The following KCNIP2 variants were observed in gnomAD, a reference collection of about 807,000 sequenced individuals.
KCNIP2 encodes the protein A-type potassium channel modulatory protein KCNIP2.
Under a neutral mutation model 39.0 loss-of-function variants are expected in KCNIP2, and 19 were observed. The ratio of observed to expected loss-of-function variants is 0.49; its 90% CI spans 0.34 to 0.71. The LOEUF (loss-of-function observed/expected upper bound fraction) is 0.71. KCNIP2 is among the 30% of genes least tolerant of loss of function. KCNIP2 has a pLI of 0.01. For missense variants in KCNIP2, 261 were observed against 346.0 expected (o/e 0.75, Z 1.95); for synonymous variants, 111 against 131.2 (o/e 0.85, Z 1.05).
chr10:101,830,815 T>G (rs1249364446), intron 2 of KCNIP2, among the ~76,000 whole-genome samples: 1 of 127,272 alleles, frequency 7.9e-6, no homozygotes, highest in Non-Finnish European at 1.6e-5. Flanking sequence ...TCCACACACA[T>G]GCAGGGGTAG....
At chr10:101,841,031 C>A (rs1381313539) in intron 1 of KCNIP2, among the ~76,000 whole-genome samples, 1 of 152,256 alleles carries the variant, frequency 6.6e-6, no homozygotes, top group Non-Finnish European at 1.5e-5. Context: ...CCGCACTGCC[C>A]AGCGGCCCCG....
intron 2 of KCNIP2, 97 bp from the exon 3 acceptor site, chr10:101,829,994 C>T (rs952525843): frequency 1.4e-6 from 2 of 1,433,164 alleles, no homozygotes. Context: ...CACAACCCAG[C>T]CCGTGCAAAG....
intron 1 of KCNIP2, among the ~76,000 whole-genome samples, chr10:101,841,497 C>T (rs1043070990): frequency 1.3e-5 from 2 of 152,198 alleles, no homozygotes; most frequent in Admixed American, 1.3e-4. Context: ...TCCTGGTAGT[C>T]CTATTTCTAC....
Position 101,827,670 on chromosome 10 carries a change from A to G in KCNIP2, c.765+19T>C, listed in dbSNP as rs771658331. ...GCCTGAGTCCAGGTCAGGGTAATGT[A>G]GAGGGCAGGGAGCTGTACCTTTTGA... On this transcript the variant is annotated intron_variant, in intron 9 of 9. Transcript: ENST00000356640. 6.2e-7 allele frequency: 1 copy of G among 1,613,712 alleles called. No homozygotes were observed. Among genetic ancestry groups the G allele is most frequent in the South Asian group, 1.1e-5 (1 of 91,078 alleles).
chr10:101,832,296 CTGTGTGTGTGTGTGTGTGTGTGTGTG>C (rs57005983), intron 1 of KCNIP2, among the ~76,000 whole-genome samples: 1 of 139,976 alleles, frequency 7.1e-6, no homozygotes, highest in Non-Finnish European at 1.5e-5. Flanking sequence ...CTCAGTGTTA[CTGTGTGTGTGTGTGTGTGTGTGTGTG>C]TGTGTGTGTG....
In KCNIP2 at chr10:101,843,593, C is replaced by T. The variant is rs2066397931; in HGVS notation, c.-25G>A. On this transcript the variant is annotated 5_prime_UTR_variant, in exon 1 of 10. Transcript: ENST00000356640. This position sits in a 1 kb window ranked among gnomAD's most constrained non-coding sequence, Gnocchi z 6.7. ...TGGCCCCCGGCGCCCCGCTCCCGCC[C>T]GGGCCGTGGGAGGGGGCGCCGGGTG... 7 of 1,434,652 alleles carry T rather than the reference C, an allele frequency of 4.9e-6. No individual in the cohort carries two copies. Among genetic ancestry groups the T allele is most frequent in the African/African-American group, 1.5e-5 (1 of 66,000 alleles). The allele number at this position is 1,434,652 out of a possible 1,614,324, so 88.9% of individuals were successfully genotyped here.
intron 1 of KCNIP2, among the ~76,000 whole-genome samples, chr10:101,834,577 C>T (rs1281752991): frequency 1.3e-5 from 2 of 152,226 alleles, no homozygotes; most frequent in East Asian, 1.9e-4. Context: ...TCTTCCTCTT[C>T]GCAGGGCCAC....
intron 1 of KCNIP2, among the ~76,000 whole-genome samples, chr10:101,842,899 C>T (rs917241389): frequency 4.6e-5 from 7 of 152,174 alleles, no homozygotes; most frequent in African/African-American, 1.7e-4. Context: ...AAATTCTTGC[C>T]CAGAGGGCTT....
At chr10:101,837,009 G>GT (rs1347586614) in intron 1 of KCNIP2, among the ~76,000 whole-genome samples, 1 of 151,784 alleles carries the variant, frequency 6.6e-6, no homozygotes, top group African/African-American at 2.4e-5. Flanking sequence ...CACACCTATA[G>GT]TCCCAGCTAC....
intron 1 of KCNIP2, among the ~76,000 whole-genome samples, chr10:101,837,879 G>GC (rs2066212739): frequency 6.6e-6 from 1 of 152,128 alleles, no homozygotes; most frequent in Non-Finnish European, 1.5e-5. Context: ...ATGGAAAGGG[G>GC]CCCCACAACA....
chr10:101,836,064 G>C (rs764762171), intron 1 of KCNIP2, among the ~76,000 whole-genome samples: 3 of 152,142 alleles, frequency 2.0e-5, no homozygotes, highest in Non-Finnish European at 4.4e-5. Flanking sequence ...CTCTTGTCCA[G>C]CTCTGGGATG....
At chr10:101,839,240 T>C (rs1342867418) in intron 1 of KCNIP2, among the ~76,000 whole-genome samples, 1 of 152,058 alleles carries the variant, frequency 6.6e-6, no homozygotes, top group African/African-American at 2.4e-5. Context: ...AGACATACAA[T>C]CCTTAAGCCA....
rs540862142 is a variant in KCNIP2 at position 101,841,111 on chromosome 10, T to C, written c.73+2385A>G. Among the ~76,000 whole-genome samples, 4 of 152,340 alleles carry C rather than the reference T, an allele frequency of 2.6e-5. No individual in the cohort carries two copies. In the East Asian group the frequency reaches 5.8e-4, roughly 22 times the overall value. On this transcript the variant is annotated intron_variant, in intron 1 of 9. Coordinates refer to ENST00000356640, the MANE Select transcript of KCNIP2 (RefSeq NM_173191.3). ...GCTCGGACTGTTTTTTGTTTTGTTT[T>C]GTTTTCCTAAAGAGTCTCTCCCAGC...
chr10:101,833,533 G>T (rs938576453), intron 1 of KCNIP2, among the ~76,000 whole-genome samples: 1 of 152,012 alleles, frequency 6.6e-6, no homozygotes, highest in Non-Finnish European at 1.5e-5. Flanking sequence ...CCAAGCCTTG[G>T]GTATGGAGCT....
At position 101,829,825 on chromosome 10, in the gene KCNIP2, C is replaced by T; in HGVS notation, c.223+19G>A. On this transcript the variant is annotated intron_variant, in intron 3 of 9. Transcript: ENST00000356640. ...AAGCCGCCCTGCCCCGCCCCGCCCC[C>T]ACCAGGAGCGTAAGTCACCTGGGTC... The T allele has an allele frequency of 1.4e-6, 2 of 1,439,912 alleles. No homozygotes were observed. Among genetic ancestry groups the T allele is most frequent in the South Asian group, 1.4e-5 (1 of 69,984 alleles). 89.2% of individuals were successfully genotyped at this position (1,439,912 alleles called of 1,614,324 possible). A position where few individuals can be genotyped will look rare whatever the true frequency, so the allele number is the denominator to read the frequency against.
chr10:101,839,624 T>C, intron 1 of KCNIP2: 3 of 855,864 alleles, frequency 3.5e-6, no homozygotes, highest in East Asian at 5.2e-5. Flanking sequence ...TTGGAAGCCC[T>C]TTCCTTGGAG....
chr10:101,839,806 A>T, intron 1 of KCNIP2: 1 of 1,610,628 alleles, frequency 6.2e-7, no homozygotes, highest in Non-Finnish European at 8.5e-7. Flanking sequence ...TGCCTGCCCC[A>T]GCGGGCTCCG....
chr10:101,827,532 C>T (rs2065782221), intron 9 of KCNIP2, 132 bp from the exon 10 acceptor site: 3 of 1,288,066 alleles, frequency 2.3e-6, no homozygotes, highest in South Asian at 1.2e-5. Context: ...CCCAGAGAGA[C>T]CTGAGGTAGG....
At position 101,829,508 on chromosome 10, in the gene KCNIP2, G is replaced by T. The variant is rs534064530; in HGVS notation, c.224-309C>A. The stretch of plus-strand genomic sequence containing the variant: ...CCAGCCGCATCTTCGTTTTAGAAAG[G>T]GAGGAGTGGGAAAAGCCAGTTCAAG... On this transcript the variant is annotated intron_variant, in intron 3 of 9. Coordinates refer to ENST00000356640, the MANE Select transcript of KCNIP2 (RefSeq NM_173191.3). The T allele has an allele frequency of 8.5e-6, 4 of 473,184 alleles. No individual in the cohort carries two copies. The East Asian group carries it at 1.5e-4, about 18-fold the overall frequency. The allele number at this position is 473,184 out of a possible 1,614,324, so 29.3% of individuals were successfully genotyped here. A position where few individuals can be genotyped will look rare whatever the true frequency, so the allele number is the denominator to read the frequency against.
Sources: gnomAD v4.1 joint callset for allele counts (sites outside exome capture counted in the v4.1 genomes callset) on GRCh38, gnomAD v4.1.1 for gene constraint, Gnocchi (gnomAD v3.1) non-coding constraint, MANE v1.5 for transcripts, NCBI Gene and HGNC (gene_info 2026-07-23, HGNC 2026-07-21) for gene names.